The following GIGYF2 variants were observed in gnomAD, a reference collection of about 807,000 sequenced individuals.
GIGYF2 encodes GRB10 interacting GYF protein 2.
Under a neutral mutation model 208.1 loss-of-function variants are expected in GIGYF2, and 25 were observed. The observed-to-expected ratio is 0.12, with a 90% CI of 0.09 to 0.17. The LOEUF is 0.17. Ranked by LOEUF, GIGYF2 falls within the 10% of genes least tolerant of loss-of-function variation. The pLI is 1.00. For synonymous variants in GIGYF2, 534 were observed against 543.8 expected (o/e 0.98, Z 0.25); for missense variants, 1,302 against 1,579.4 (o/e 0.82, Z 2.98).
intron 21 of GIGYF2, among the ~76,000 whole-genome samples, chr2:232,827,208 G>GTTTTTTTTTTTTT (rs1166323037): frequency 6.6e-6 from 1 of 152,054 alleles, no homozygotes; most frequent in Non-Finnish European, 1.5e-5. Flanking sequence ...TATAGACATT[G>GTTTTTTTTTTTTT]TTTTTTAAGA....
chr2:232,847,798 A>G (rs1039205019), intron 27 of GIGYF2, among the ~76,000 whole-genome samples: 2 of 152,028 alleles, frequency 1.3e-5, no homozygotes, highest in African/African-American at 4.8e-5. Context: ...TACCAGTTCC[A>G]TTTTTCTTGG....
At chr2:232,757,206 GCATTC>G (rs149506883) in intron 6 of GIGYF2, among the ~76,000 whole-genome samples, 2,618 of 152,222 alleles carry the variant, frequency 0.017, 38 homozygotes, top group Non-Finnish European at 0.025. Flanking sequence ...ATTCAATTGT[GCATTC>G]CTGGGAAGAG....
intron 15 of GIGYF2, among the ~76,000 whole-genome samples, chr2:232,809,296 A>G (rs1477772558): frequency 6.6e-6 from 1 of 152,148 alleles, no homozygotes; most frequent in Non-Finnish European, 1.5e-5. Context: ...TGCATTCCTT[A>G]TATACCATTA....
intron 12 of GIGYF2, among the ~76,000 whole-genome samples, chr2:232,791,909 A>G (rs1293831175): frequency 1.3e-5 from 2 of 152,198 alleles, no homozygotes; most frequent in Admixed American, 1.3e-4. Context: ...TATCTCTTTC[A>G]GTTGTTAGTG....
intron 23 of GIGYF2, among the ~76,000 whole-genome samples, chr2:232,840,835 C>CT (rs1701793051): frequency 6.6e-6 from 1 of 152,032 alleles, no homozygotes; most frequent in African/African-American, 2.4e-5. Context: ...ATAGCAGAGT[C>CT]TTGAAGATGC....
chr2:232,798,007 A>G (rs1203782950), intron 14 of GIGYF2, among the ~76,000 whole-genome samples: 1 of 142,234 alleles, frequency 7.0e-6, no homozygotes, highest in East Asian at 2.1e-4. Flanking sequence ...AAAAAAAAAA[A>G]GATTCAGAAC....
intron 14 of GIGYF2, among the ~76,000 whole-genome samples, chr2:232,803,459 T>C (rs1201603364): frequency 6.6e-6 from 1 of 152,120 alleles, no homozygotes; most frequent in Non-Finnish European, 1.5e-5. Flanking sequence ...AATTTTATAG[T>C]TTTTATAATT....
At chr2:232,735,928 G>A (rs1303230837) in intron 3 of GIGYF2, 13 of 983,764 alleles carry the variant, frequency 1.3e-5, no homozygotes, top group East Asian at 1.1e-4. Flanking sequence ...TTCAAACCTC[G>A]GGCAACCCCT....
intron 14 of GIGYF2, 67 bp downstream of exon 14, chr2:232,796,288 GA>G (rs1449445553): frequency 3.2e-5 from 33 of 1,034,060 alleles, no homozygotes; most frequent in Middle Eastern, 2.0e-4. Context: ...TCTAAGAAGG[GA>G]TTTGTTTAAT....
At chr2:232,760,613 C>T (rs1440380704) in intron 7 of GIGYF2, 22 bp downstream of exon 7, 2 of 1,481,540 alleles carry the variant, frequency 1.3e-6, no homozygotes, top group Middle Eastern at 1.7e-4. Flanking sequence ...CACATATTGG[C>T]ATAAAAATTT....
intron 14 of GIGYF2, among the ~76,000 whole-genome samples, chr2:232,804,017 CA>C (rs1700476859): frequency 6.6e-6 from 1 of 152,134 alleles, no homozygotes; most frequent in South Asian, 2.1e-4. Context: ...CTTCCTTCAC[CA>C]GTACTGTACA....
At chr2:232,761,253 G>T in intron 7 of GIGYF2, 143 bp from the exon 8 acceptor site, 1 of 591,328 alleles carries the variant, frequency 1.7e-6, no homozygotes, top group South Asian at 2.0e-5. Context: ...CTATATTTTC[G>T]AAATATTAGG....
At chr2:232,796,865 A>T (rs1700237245) in intron 14 of GIGYF2, among the ~76,000 whole-genome samples, 1 of 152,232 alleles carries the variant, frequency 6.6e-6, no homozygotes, top group Non-Finnish European at 1.5e-5. Flanking sequence ...GTCTAAAAAA[A>T]AAATTGAATA....
At chr2:232,784,555 TA>T (rs1216842604) in intron 8 of GIGYF2, among the ~76,000 whole-genome samples, 1 of 150,510 alleles carries the variant, frequency 6.6e-6, no homozygotes, top group East Asian at 2.0e-4. Flanking sequence ...CGCGCCCGGC[TA>T]ATTTTTTCTA....
intron 21 of GIGYF2, among the ~76,000 whole-genome samples, chr2:232,831,885 C>G (rs1366955955): frequency 6.6e-6 from 1 of 152,224 alleles, no homozygotes; most frequent in African/African-American, 2.4e-5. Context: ...CAGTAGACAT[C>G]TCTTTGACCC....
chr2:232,844,081 TCAG>T lies in GIGYF2; in HGVS notation c.2937_2939del (p.Gln984del). ...AGCAGAGGGAGTTGATGAAAGCTCT[TCAG>T]CAGCAGCAGCAACAGCAACAGCAGA... is the stretch of plus-strand genomic sequence containing the variant. On this transcript the variant is annotated inframe_deletion, in exon 24 of 29. Transcript: ENST00000373563. 1.9e-6 allele frequency: 3 copies of T among 1,609,340 alleles called. No individual in the cohort carries two copies. Among genetic ancestry groups the T allele is most frequent in the Non-Finnish European group, 1.7e-6 (2 of 1,176,876 alleles).
chr2:232,831,851 A>T (rs1420930307), intron 21 of GIGYF2, among the ~76,000 whole-genome samples: 2 of 152,190 alleles, frequency 1.3e-5, no homozygotes, highest in Non-Finnish European at 2.9e-5. Flanking sequence ...TTATCTGGGA[A>T]GAATTTCTTC....
At chr2:232,748,704 G>C (rs182141532) in intron 4 of GIGYF2, among the ~76,000 whole-genome samples, 1 of 152,282 alleles carries the variant, frequency 6.6e-6, no homozygotes, top group African/African-American at 2.4e-5. Context: ...TTAATGTAGA[G>C]ACTTTTATTC....
intron 6 of GIGYF2, among the ~76,000 whole-genome samples, chr2:232,759,652 A>C (rs1186307382): frequency 6.6e-6 from 1 of 151,954 alleles, no homozygotes; most frequent in Non-Finnish European, 1.5e-5. Flanking sequence ...TTATGTAGCT[A>C]ATCCTTTATT....
Sources: allele counts gnomAD v4.1 joint callset (sites outside exome capture counted in the v4.1 genomes callset), GRCh38; gene constraint gnomAD v4.1.1; transcripts MANE v1.5; gene names NCBI Gene and HGNC (gene_info 2026-07-23, HGNC 2026-07-21).